MMS22L: variants seen among roughly 807,000 people sequenced by gnomAD.
The protein encoded by MMS22L is protein MMS22-like.
A neutral mutation model predicts 159.1 loss-of-function variants in MMS22L; 74 were observed. That is an observed-to-expected ratio of 0.47 (90% CI 0.39 to 0.56). The LOEUF (loss-of-function observed/expected upper bound fraction) is 0.56. Among genes scored for constraint, MMS22L ranks in the 20% least tolerant of loss-of-function variants. The probability of loss-of-function intolerance (pLI) is 0.00; values close to 1 mark genes in which losing one functional copy is unlikely to be tolerated. For missense variants in MMS22L, 1,351 were observed against 1,422.1 expected (o/e 0.95, Z 0.80); for synonymous variants, 517 against 506.9 (o/e 1.02, Z -0.27).
At chr6:97,176,416 C>A (rs1405977320) in intron 18 of MMS22L, among the ~76,000 whole-genome samples, 2 of 152,050 alleles carry the variant, frequency 1.3e-5, no homozygotes, top group Non-Finnish European at 2.9e-5. Flanking sequence ...GTCATACTAT[C>A]ATTTCTGTGC....
chr6:97,181,036 C>T (rs957750052), intron 16 of MMS22L, among the ~76,000 whole-genome samples: 7 of 152,026 alleles, frequency 4.6e-5, no homozygotes, highest in Admixed American at 2.0e-4. Flanking sequence ...GTACACACGA[C>T]GTATGTGTAG....
intron 14 of MMS22L, among the ~76,000 whole-genome samples, chr6:97,196,367 A>G (rs536441820): frequency 6.6e-6 from 1 of 152,344 alleles, no homozygotes; most frequent in East Asian, 1.9e-4. Flanking sequence ...AAGCATAGTG[A>G]CATGAAATTG....
At chr6:97,179,610 A>G (rs1029132596) in intron 16 of MMS22L, 51 bp from the exon 17 acceptor site, 1 of 1,514,158 alleles carries the variant, frequency 6.6e-7, no homozygotes, top group African/African-American at 1.4e-5. Flanking sequence ...TTTCCTGAGT[A>G]TAGAGATTAA....
At chr6:97,244,617 G>T (rs138482554) in intron 11 of MMS22L, among the ~76,000 whole-genome samples, 1 of 152,124 alleles carries the variant, frequency 6.6e-6, no homozygotes, top group Non-Finnish European at 1.5e-5. Context: ...TTTTTCTCCC[G>T]TGCTGGATGC....
chr6:97,162,721 A>C (rs981151208), intron 21 of MMS22L, among the ~76,000 whole-genome samples: 1 of 152,018 alleles, frequency 6.6e-6, no homozygotes, highest in Non-Finnish European at 1.5e-5. Context: ...ATTTAGCATT[A>C]TCTCTCAAGA....
chr6:97,192,612 A>G (rs1806010053), intron 14 of MMS22L, among the ~76,000 whole-genome samples: 1 of 152,236 alleles, frequency 6.6e-6, no homozygotes, highest in South Asian at 2.1e-4. Flanking sequence ...GCATTCGAAC[A>G]TCACTAGAAA....
At chr6:97,225,718 A>T (rs955208292) in intron 14 of MMS22L, among the ~76,000 whole-genome samples, 1 of 151,762 alleles carries the variant, frequency 6.6e-6, no homozygotes, top group African/African-American at 2.4e-5. Context: ...GACTACAGGC[A>T]CCCGCCACCA....
rs1027682498 is a variant in MMS22L, at chr6:97,273,059, T to C, written c.344A>G (p.Lys115Arg). The C allele has an allele frequency of 6.2e-7, 1 of 1,601,556 alleles. No individual in the cohort carries two copies. The highest frequency in any genetic ancestry group is 8.5e-7 in the Non-Finnish European group (1 of 1,176,710). The change falls in exon 5 of 25, where the codon AAG becomes AGG. Residue 115 changes from lysine to arginine, a missense_variant. Physicochemically the swap from Lys to Arg is conservative, Grantham distance 26 (BLOSUM62 2). Transcript: ENST00000683635. ...TLLQSSCDFG[K>R]VSTLHCKADN... ...TGCTTTGCAGTGTAGAGTTGATACC[T>C]TCCCTGAAACCAAAATAGACAATGT...
intron 10 of MMS22L, among the ~76,000 whole-genome samples, chr6:97,252,872 C>G (rs1371358565): frequency 6.6e-6 from 1 of 152,012 alleles, no homozygotes; most frequent in Non-Finnish European, 1.5e-5. Context: ...TTTCTTAGTT[C>G]CTTTAATATA....
At chr6:97,173,326 C>A (rs941479165) in intron 18 of MMS22L, 104 bp from the exon 19 acceptor site, 11 of 999,820 alleles carry the variant, frequency 1.1e-5, no homozygotes, top group Non-Finnish European at 1.5e-5. Flanking sequence ...GCACCCATAC[C>A]CTTTACATTT....
chr6:97,229,490 T>G, intron 13 of MMS22L, 87 bp from the exon 14 acceptor site: 1 of 898,480 alleles, frequency 1.1e-6, no homozygotes, highest in East Asian at 2.7e-5. Context: ...TCAATACTCA[T>G]AACAATCTCA....
intron 10 of MMS22L, among the ~76,000 whole-genome samples, chr6:97,248,193 T>C (rs1350372612): frequency 1.3e-5 from 2 of 152,218 alleles, no homozygotes; most frequent in African/African-American, 4.8e-5. Flanking sequence ...GAAACAGCTA[T>C]ATTGTGAACA....
At chr6:97,281,068 T>A (rs532423407) in intron 3 of MMS22L, among the ~76,000 whole-genome samples, 169 bp downstream of exon 3, 195 of 152,348 alleles carry the variant, frequency 1.3e-3, no homozygotes, top group Non-Finnish European at 2.3e-3. Flanking sequence ...TTAAAACCAT[T>A]ACTCATCAGG....
intron 11 of MMS22L, among the ~76,000 whole-genome samples, chr6:97,241,189 T>G (rs1357987611): frequency 6.6e-6 from 1 of 152,170 alleles, no homozygotes; most frequent in African/African-American, 2.4e-5. Context: ...ATATAAGAAG[T>G]TTTCTCTATT....
At chr6:97,216,709 T>C (rs777307640) in intron 14 of MMS22L, among the ~76,000 whole-genome samples, 4 of 152,314 alleles carry the variant, frequency 2.6e-5, no homozygotes, top group Non-Finnish European at 4.4e-5. Context: ...TACAAACTCA[T>C]TGCTGAATTT....
intron 4 of MMS22L, 87 bp downstream of exon 4, chr6:97,278,762 T>C: frequency 1.9e-6 from 2 of 1,033,826 alleles, no homozygotes; most frequent in Non-Finnish European, 2.9e-6. Context: ...ATTATCATGA[T>C]ATGCCAATTA....
intron 14 of MMS22L, among the ~76,000 whole-genome samples, chr6:97,198,676 A>G (rs1230836694): frequency 6.6e-6 from 1 of 152,136 alleles, no homozygotes; most frequent in Non-Finnish European, 1.5e-5. Context: ...ACAGGGTAGT[A>G]TCTACAATAG....
At chr6:97,188,295 T>C (rs531683825) in intron 14 of MMS22L, among the ~76,000 whole-genome samples, 10 of 152,220 alleles carry the variant, frequency 6.6e-5, no homozygotes, top group Non-Finnish European at 1.0e-4. Flanking sequence ...AAATAACTTA[T>C]GGTACTTGAG....
intron 14 of MMS22L, among the ~76,000 whole-genome samples, chr6:97,192,985 T>G (rs561756390): frequency 3.3e-5 from 5 of 152,176 alleles, no homozygotes; most frequent in African/African-American, 1.2e-4. Flanking sequence ...ATAATCACTA[T>G]GCTACAGCTG....
Sources: allele counts gnomAD v4.1 joint callset (sites outside exome capture counted in the v4.1 genomes callset), GRCh38; gene constraint gnomAD v4.1.1; transcripts MANE v1.5; gene names NCBI Gene and HGNC (gene_info 2026-07-23, HGNC 2026-07-21).